XKR4: variants seen among roughly 807,000 people sequenced by gnomAD.
The protein encoded by XKR4 is XK-related protein 4.
In XKR4, 12 loss-of-function variants were observed where a neutral mutation model predicts 53.9. That is an observed-to-expected ratio of 0.22 (90% CI 0.14 to 0.36). The LOEUF (loss-of-function observed/expected upper bound fraction) is 0.36. Ranked by LOEUF, XKR4 falls within the 10% of genes least tolerant of loss-of-function variation. The pLI is 1.00. For missense variants in XKR4, 799 were observed against 859.5 expected (o/e 0.93, Z 0.88); for synonymous variants, 354 against 362.4 (o/e 0.98, Z 0.26).
chr8:55,437,573 A>G (rs1448278966), intron 2 of XKR4, among the ~76,000 whole-genome samples: 1 of 152,224 alleles, frequency 6.6e-6, no homozygotes, highest in African/African-American at 2.4e-5. Context: ...AATCATATGG[A>G]TCTGAGAATG....
rs572969254 is a variant in XKR4 at position 55,237,958 on chromosome 8, CAGAA to C, written c.807-119716_807-119713del. ...GAAAAAAAAGGAAGAGGGAAAGAGACAGAAAGAGAGAGAAAGAAGGAAGGAAGGA... is the reference window on the plus strand; with the variant it reads ...GAAAAAAAAGGAAGAGGGAAAGAGACAGAGAGAGAAAGAAGGAAGGAAGGA... On this transcript the variant is annotated intron_variant, in intron 1 of 2. Transcript: ENST00000327381. Among the ~76,000 whole-genome samples the C allele has an allele frequency of 1.4e-4, 20 of 147,874 alleles. No homozygotes were observed. The East Asian group carries it at 4.0e-3, about 30-fold the overall frequency.
At chr8:55,487,235 T>A (rs1281535639) in intron 2 of XKR4, among the ~76,000 whole-genome samples, 2 of 151,868 alleles carry the variant, frequency 1.3e-5, no homozygotes, top group Admixed American at 1.3e-4. Context: ...GAGCCTGGAG[T>A]TCTGATGTTC....
chr8:55,264,805 T>C (rs1397748691), intron 1 of XKR4, among the ~76,000 whole-genome samples: 1 of 152,228 alleles, frequency 6.6e-6, no homozygotes, highest in Non-Finnish European at 1.5e-5. Flanking sequence ...TGTTTCTGTC[T>C]ACACAAAACA....
intron 2 of XKR4, among the ~76,000 whole-genome samples, chr8:55,392,668 A>C (rs966519063): frequency 1.3e-5 from 2 of 152,066 alleles, no homozygotes; most frequent in African/African-American, 4.8e-5. Flanking sequence ...GCGCATGCCT[A>C]TAGTCCCAGC....
At chr8:55,316,141 C>T (rs950197523) in intron 1 of XKR4, among the ~76,000 whole-genome samples, 1 of 150,752 alleles carries the variant, frequency 6.6e-6, no homozygotes, top group African/African-American at 2.5e-5. Context: ...ATGTGGCCCC[C>T]TCCAAAGTAA....
chr8:55,153,555 G>A (rs1312373379), intron 1 of XKR4, among the ~76,000 whole-genome samples: 1 of 152,220 alleles, frequency 6.6e-6, no homozygotes, highest in East Asian at 1.9e-4. Context: ...TAAAATCAAT[G>A]TGGGACAAGT....
At chr8:55,423,145 G>A (rs148009781) in intron 2 of XKR4, among the ~76,000 whole-genome samples, 5,446 of 151,820 alleles carry the variant, frequency 0.036, 158 homozygotes, top group Non-Finnish European at 0.057. Flanking sequence ...GCCCAGGCTG[G>A]AGTGCAGTGG....
At chr8:55,219,285 C>G (rs1408381673) in intron 1 of XKR4, among the ~76,000 whole-genome samples, 1 of 152,152 alleles carries the variant, frequency 6.6e-6, no homozygotes, top group Non-Finnish European at 1.5e-5. Context: ...TGTTCCTTTC[C>G]CATTCAGAAT....
chr8:55,462,328 T>A (rs978877051), intron 2 of XKR4, among the ~76,000 whole-genome samples: 1 of 152,180 alleles, frequency 6.6e-6, no homozygotes, highest in South Asian at 2.1e-4. Flanking sequence ...TTCAACATTC[T>A]TAAAGAAAAG....
intron 1 of XKR4, among the ~76,000 whole-genome samples, chr8:55,163,643 C>G (rs1472107148): frequency 3.3e-5 from 5 of 152,072 alleles, no homozygotes; most frequent in Admixed American, 2.6e-4. Context: ...TTCAGGAGTT[C>G]AAGACCAGAC....
rs1807067991 is a variant in XKR4 at position 55,539,016 on chromosome 8, G to A, written c.*14789G>A. On this transcript the variant is annotated 3_prime_UTR_variant, in exon 3 of 3. Transcript: ENST00000327381. ...TACATATGCTTACATGTGCTTAGGTGGGAATTCTACTAAAGGATAAAGGAC... is the reference window on the plus strand; with the variant it reads ...TACATATGCTTACATGTGCTTAGGTAGGAATTCTACTAAAGGATAAAGGAC... 1 of 152,110 alleles carries A rather than the reference G, an allele frequency of 6.6e-6. No individual in the cohort carries two copies. The highest frequency in any genetic ancestry group is 2.4e-5 in the African/African-American group (1 of 41,414). The allele number at this position is 152,110 out of a possible 1,614,324, so 9.4% of individuals were successfully genotyped here.
chr8:55,243,140 C>T (rs144150737), intron 1 of XKR4, among the ~76,000 whole-genome samples: 1 of 152,322 alleles, frequency 6.6e-6, no homozygotes, highest in East Asian at 1.9e-4. Context: ...TATCAACATC[C>T]TCCAGAGGAA....
At chr8:55,499,881 A>G (rs962855923) in intron 2 of XKR4, among the ~76,000 whole-genome samples, 1 of 152,198 alleles carries the variant, frequency 6.6e-6, no homozygotes, top group Non-Finnish European at 1.5e-5. Context: ...TTCCTCCAGT[A>G]TGTGAATTTC....
intron 2 of XKR4, among the ~76,000 whole-genome samples, chr8:55,499,213 A>T (rs1467483542): frequency 6.6e-6 from 1 of 152,244 alleles, no homozygotes; most frequent in Non-Finnish European, 1.5e-5. Context: ...CCCACAGGCT[A>T]TGCTAAGATA....
chr8:55,220,378 TG>T (rs1156987579), intron 1 of XKR4, among the ~76,000 whole-genome samples: 3 of 152,236 alleles, frequency 2.0e-5, no homozygotes, highest in African/African-American at 7.2e-5. Context: ...CAGTCTTTTT[TG>T]GACACTAAAC....
At chr8:55,454,597 G>GC in intron 2 of XKR4, 3 of 1,401,408 alleles carry the variant, frequency 2.1e-6, no homozygotes, top group Non-Finnish European at 3.0e-6. Context: ...CCGGTCACCA[G>GC]CCCCCAAATA....
intron 1 of XKR4, among the ~76,000 whole-genome samples, chr8:55,128,315 T>A (rs555174347): frequency 6.6e-6 from 1 of 152,356 alleles, no homozygotes; most frequent in East Asian, 1.9e-4. Context: ...GATATCTCAT[T>A]GTAGTGCCTA....
At chr8:55,161,533 G>C in intron 1 of XKR4, 1 of 456,126 alleles carries the variant, frequency 2.2e-6, no homozygotes, top group Non-Finnish European at 4.4e-6. Context: ...GATGAGCAGC[G>C]CTCAAAACCT....
chr8:55,166,259 C>T (rs9298528), intron 1 of XKR4, among the ~76,000 whole-genome samples: 32,747 of 152,090 alleles, frequency 0.22, 3,747 homozygotes, highest in East Asian at 0.25. Context: ...TGATGCACAG[C>T]GACTCTGATA....
Sources: gnomAD v4.1 joint callset for allele counts (sites outside exome capture counted in the v4.1 genomes callset) on GRCh38, gnomAD v4.1.1 for gene constraint, MANE v1.5 for transcripts, NCBI Gene and HGNC (gene_info 2026-07-23, HGNC 2026-07-21) for gene names.